THOC2: variants seen among roughly 807,000 people sequenced by gnomAD.
THOC2 encodes the protein THO complex 2.
In THOC2, 10 loss-of-function variants were observed where a neutral mutation model predicts 128.4. That is an observed-to-expected ratio of 0.08 (90% CI 0.05 to 0.13). The LOEUF is 0.13. Ranked by LOEUF, THOC2 falls within the 10% of genes least tolerant of loss-of-function variation. THOC2 has a pLI of 1.00. For synonymous variants in THOC2, 393 were observed against 396.9 expected (o/e 0.99, Z 0.12); for missense variants, 535 against 1,155.7 (o/e 0.46, Z 7.79).
intron 9 of THOC2, among the ~76,000 whole-genome samples, chrX:123,669,368 G>A (rs1005683314): frequency 5.6e-5 from 6 of 107,345 alleles, no homozygotes; most frequent in Non-Finnish European, 1.2e-4. Flanking sequence ...TGCCCAGGCT[G>A]GAGTGAAATG....
Position 123,715,155 on chromosome X carries a change from C to A in THOC2, c.72-2247G>T, listed in dbSNP as rs193072043. Among the ~76,000 whole-genome samples the A allele has an allele frequency of 8.3e-5, 9 of 107,874 alleles. No homozygotes were observed. The Admixed American group carries it at 9.1e-4, about 11-fold the overall frequency. The allele number at this position is 107,874 out of a possible 115,157, so 93.7% of individuals were successfully genotyped here. A position where few individuals can be genotyped will look rare whatever the true frequency, so the allele number is the denominator to read the frequency against. On this transcript the variant is annotated intron_variant, in intron 1 of 38. Coordinates refer to ENST00000245838, the MANE Select transcript of THOC2 (RefSeq NM_001081550.2). ...CCTCAGCCTCAGCACCACCACCCCC[C>A]CAACATCCCATTAGGTGGGACCACA...
At chrX:123,731,954 C>G (rs1225422683) in intron 1 of THOC2, among the ~76,000 whole-genome samples, 1 of 111,323 alleles carries the variant, frequency 9.0e-6, no homozygotes, top group East Asian at 2.8e-4. Flanking sequence ...CAGGGTTGAG[C>G]TTTAGCATCT....
intron 12 of THOC2, among the ~76,000 whole-genome samples, chrX:123,657,563 A>T (rs2048650096): frequency 9.0e-6 from 1 of 110,964 alleles, no homozygotes; most frequent in Non-Finnish European, 1.9e-5. Flanking sequence ...TTGCTTATGG[A>T]GAAGCAAGGA....
intron 38 of THOC2, among the ~76,000 whole-genome samples, chrX:123,608,139 G>A (rs1198458732): frequency 4.5e-5 from 5 of 110,845 alleles, no homozygotes; most frequent in Non-Finnish European, 9.4e-5. Context: ...AGTGGCTCAC[G>A]TCTGTAATGC....
chrX:123,605,041 T>C (rs889257645), intron 38 of THOC2, among the ~76,000 whole-genome samples: 1 of 112,379 alleles, frequency 8.9e-6, no homozygotes, highest in Admixed American at 9.4e-5. Context: ...ACTTTACTCC[T>C]TCATTTACCC....
chrX:123,673,148 G>A (rs777594649), intron 8 of THOC2, among the ~76,000 whole-genome samples: 21 of 111,299 alleles, frequency 1.9e-4, no homozygotes, highest in Admixed American at 2.9e-4. Context: ...AGACCAGCCC[G>A]GACAACACAA....
chrX:123,718,457 A>C (rs975754856), intron 1 of THOC2, among the ~76,000 whole-genome samples: 3 of 111,576 alleles, frequency 2.7e-5, no homozygotes, highest in African/African-American at 9.7e-5. Flanking sequence ...TACATCAAAC[A>C]AAAAAAGTTT....
chrX:123,700,686 G>C (rs181261186), intron 4 of THOC2, among the ~76,000 whole-genome samples: 1 of 111,573 alleles, frequency 9.0e-6, no homozygotes, highest in Non-Finnish European at 1.9e-5. Flanking sequence ...AGGGACCCAG[G>C]TTCAAATTCT....
At chrX:123,695,113 T>C (rs1322429346) in intron 7 of THOC2, among the ~76,000 whole-genome samples, 1 of 111,890 alleles carries the variant, frequency 8.9e-6, no homozygotes, top group Non-Finnish European at 1.9e-5. Flanking sequence ...TCTCCCTCTT[T>C]CTTAGTCATA....
At chrX:123,718,906 T>C (rs1360557966) in intron 1 of THOC2, among the ~76,000 whole-genome samples, 1 of 111,212 alleles carries the variant, frequency 9.0e-6, no homozygotes, top group Non-Finnish European at 1.9e-5. Flanking sequence ...CCGGGCACGG[T>C]GGCTCACGCC....
chrX:123,652,535 A>G (rs891852373), intron 12 of THOC2, among the ~76,000 whole-genome samples: 3 of 111,808 alleles, frequency 2.7e-5, no homozygotes, highest in African/African-American at 9.8e-5. Flanking sequence ...AGAAAACCCC[A>G]TTGTCTCAGC....
intron 32 of THOC2, chrX:123,619,645 G>T (rs76547395): frequency 7.8e-5 from 29 of 371,398 alleles, no homozygotes; most frequent in East Asian, 6.6e-4. Flanking sequence ...TGTACTCAAT[G>T]TAAGAAATAA....
chrX:123,660,468 C>T lies in THOC2; in HGVS notation c.1386+5174G>A, dbSNP rs1372584963. 2.7e-5 allele frequency among the ~76,000 whole-genome samples: 3 copies of T among 111,540 alleles called. 1 individual carries two copies. The highest frequency in any genetic ancestry group is 5.6e-5 in the Non-Finnish European group (3 of 53,127). ...ATAGTCTCAAAGTGTTATATCTTCCCACAAGACATATATTAATAACAAAGG... is the reference window on the plus strand; with the variant it reads ...ATAGTCTCAAAGTGTTATATCTTCCTACAAGACATATATTAATAACAAAGG... On this transcript the variant is annotated intron_variant, in intron 12 of 38. Transcript: ENST00000245838.
At chrX:123,703,933 GAA>G (rs1358276202) in intron 3 of THOC2, among the ~76,000 whole-genome samples, 1 of 85,060 alleles carries the variant, frequency 1.2e-5, no homozygotes, top group Admixed American at 1.4e-4. Flanking sequence ...AGGTGGTGCT[GAA>G]AAAAGATTTT....
intron 9 of THOC2, among the ~76,000 whole-genome samples, chrX:123,668,542 TTC>T (rs1233640009): frequency 8.9e-6 from 1 of 112,333 alleles, no homozygotes; most frequent in Non-Finnish European, 1.9e-5. Flanking sequence ...GTTTCACATC[TTC>T]TGTCTGACAG....
At chrX:123,684,688 G>A (rs1002213454) in intron 8 of THOC2, among the ~76,000 whole-genome samples, 11 of 111,867 alleles carry the variant, frequency 9.8e-5, no homozygotes, top group Admixed American at 2.8e-4. Flanking sequence ...GCACCCAGCC[G>A]CCACTGCTCA....
intron 4 of THOC2, 48 bp downstream of exon 4, chrX:123,703,406 G>C (rs754458667): frequency 6.3e-6 from 5 of 799,234 alleles, no homozygotes; most frequent in Non-Finnish European, 8.9e-6. Context: ...ACAAACATTT[G>C]ATTTACCACA....
At chrX:123,660,392 A>G (rs1056547635) in intron 12 of THOC2, among the ~76,000 whole-genome samples, 1 of 112,226 alleles carries the variant, frequency 8.9e-6, no homozygotes, top group African/African-American at 3.2e-5. Context: ...TTTTCAAGTT[A>G]AAAGAGCAGC....
intron 25 of THOC2, among the ~76,000 whole-genome samples, chrX:123,625,253 G>A (rs184134153): frequency 1.8e-4 from 20 of 109,900 alleles, no homozygotes; most frequent in Admixed American, 1.9e-4. Flanking sequence ...CACCACACCC[G>A]GCTAATTTTT....
Sources: allele counts gnomAD v4.1 joint callset (sites outside exome capture counted in the v4.1 genomes callset), GRCh38; gene constraint gnomAD v4.1.1; transcripts MANE v1.5; gene names NCBI Gene and HGNC (gene_info 2026-07-23, HGNC 2026-07-21).